Variants in DOLPP1 observed in about 807,000 individuals in gnomAD.
DOLPP1 encodes dolichyldiphosphatase 1.
In DOLPP1, 15 loss-of-function variants were observed where a neutral mutation model predicts 34.1. That is an observed-to-expected ratio of 0.44 (90% CI 0.29 to 0.68). The LOEUF (loss-of-function observed/expected upper bound fraction) is 0.68. Among genes scored for constraint, DOLPP1 ranks in the 30% least tolerant of loss-of-function variants. The probability of loss-of-function intolerance (pLI) is 0.12; values close to 1 mark genes in which losing one functional copy is unlikely to be tolerated. For missense variants in DOLPP1, 249 were observed against 307.1 expected, an observed-to-expected ratio of 0.81 and a Z score of 1.41; for synonymous variants, 130 against 128.2, an observed-to-expected ratio of 1.01 and a Z score of -0.10.
At position 129,090,371 on chromosome 9, in the gene DOLPP1, G is replaced by A. The variant is rs997450098; in HGVS notation, c.*1364G>A. 6.6e-6 allele frequency: 1 copy of A among 152,538 alleles called. No homozygotes were observed. Among genetic ancestry groups the A allele is most frequent in the South Asian group, 2.1e-4 (1 of 4,828 alleles). The allele number at this position is 152,538 out of a possible 1,614,324, so 9.4% of individuals were successfully genotyped here. A position where few individuals can be genotyped will look rare whatever the true frequency, so the allele number is the denominator to read the frequency against. On this transcript the variant is annotated 3_prime_UTR_variant, in exon 8 of 8. Transcript: ENST00000372546. ...GCCTGAGACAAGCCGAGTATGAGGT[G>A]GTTTGATTTAAGAAAAATCAATGAA...
At chr9:129,081,543 C>T (rs1333358811) in intron 1 of DOLPP1, among the ~76,000 whole-genome samples, 2 of 152,228 alleles carry the variant, frequency 1.3e-5, no homozygotes, top group African/African-American at 2.4e-5. Context: ...CCTTCTTCCC[C>T]GCCCTCCCCT....
intron 7 of DOLPP1, among the ~76,000 whole-genome samples, chr9:129,088,415 GTCAGCCCC>G (rs1288773703): frequency 2.0e-5 from 3 of 152,052 alleles, no homozygotes; most frequent in Non-Finnish European, 2.9e-5. Flanking sequence ...CTGAGTCTCT[GTCAGCCCC>G]TCTAGAAAAT....
At chr9:129,087,401 T>C (rs891979489) in intron 7 of DOLPP1, among the ~76,000 whole-genome samples, 138 of 151,078 alleles carry the variant, frequency 9.1e-4, no homozygotes, top group South Asian at 2.1e-4. Context: ...CTGCAACCTC[T>C]GCCTCCCTTG....
intron 7 of DOLPP1, among the ~76,000 whole-genome samples, chr9:129,087,593 G>A (rs1285167300): frequency 6.6e-6 from 1 of 152,164 alleles, no homozygotes; most frequent in Non-Finnish European, 1.5e-5. Context: ...TGGGATTACA[G>A]GTGTGAGCCA....
chr9:129,081,851 G>A (rs1342305159), intron 1 of DOLPP1, among the ~76,000 whole-genome samples: 2 of 152,212 alleles, frequency 1.3e-5, no homozygotes, highest in Non-Finnish European at 2.9e-5. Flanking sequence ...CGTTCTGGAG[G>A]CTGTCTAGTA....
chr9:129,084,631 T>C, intron 1 of DOLPP1, 37 bp from the exon 2 acceptor site: 1 of 1,419,768 alleles, frequency 7.0e-7, no homozygotes, highest in Non-Finnish European at 1.0e-6. Flanking sequence ...CTGATGCCTG[T>C]GCCCTGTCCT....
chr9:129,081,243 AG>A lies in DOLPP1; in HGVS notation c.76+39del, dbSNP rs754695498. On this transcript the variant is annotated intron_variant, in intron 1 of 7. Coordinates refer to ENST00000372546, the MANE Select transcript of DOLPP1 (RefSeq NM_020438.5). ...GTCCCGGCTCCAAGGACGCCTTCCC[AG>A]GGACGGCCTCTCAGTCCCGGGCGCT... 3.1e-6 allele frequency: 5 copies of A among 1,603,106 alleles called. No individual in the cohort carries two copies. The African/African-American group carries it at 6.7e-5, about 21-fold the overall frequency.
intron 7 of DOLPP1, 46 bp downstream of exon 7, chr9:129,086,844 C>T (rs1339517205): frequency 6.5e-7 from 1 of 1,550,078 alleles, no homozygotes; most frequent in African/African-American, 1.4e-5. Flanking sequence ...CCACAGGCAG[C>T]CTCTGCCTCC....
In DOLPP1 at chr9:129,085,709, C is replaced by G; in HGVS notation, c.461+93C>G. On this transcript the variant is annotated intron_variant, in intron 5 of 7. Transcript: ENST00000372546. The surrounding 1 kb of genome is among the most constrained non-coding windows in gnomAD (Gnocchi z 7.0). ...TCGGACCCCACCATGGACCCTAGTC[C>G]CAGAACCTGTAGTGCAGGACTGGAA... 2 of 1,013,758 alleles carry G rather than the reference C, an allele frequency of 2.0e-6. No individual in the cohort carries two copies. The highest frequency in any genetic ancestry group is 3.1e-5 in the South Asian group (2 of 63,854). 62.8% of individuals were successfully genotyped at this position (1,013,758 alleles called of 1,614,324 possible).
chr9:129,085,400 G>C lies in DOLPP1; in HGVS notation c.362+94G>C, dbSNP rs1177733078. ...TAGCCCTTTGGATGCCCCTGGGGTG[G>C]GAGGGGCTGCAGCGGAGGCAGAAGG... On this transcript the variant is annotated intron_variant, in intron 4 of 7. Transcript: ENST00000372546. The surrounding 1 kb of genome is among the most constrained non-coding windows in gnomAD (Gnocchi z 7.0). 1 of 1,503,500 alleles carries C rather than the reference G, an allele frequency of 6.7e-7. No homozygotes were observed. Among genetic ancestry groups the C allele is most frequent in the African/African-American group, 1.4e-5 (1 of 72,726 alleles). The allele number at this position is 1,503,500 out of a possible 1,614,324, so 93.1% of individuals were successfully genotyped here. A position where few individuals can be genotyped will look rare whatever the true frequency, so the allele number is the denominator to read the frequency against.
At position 129,086,629 on chromosome 9, in the gene DOLPP1, G is replaced by A. The variant is rs1379191911; in HGVS notation, c.591-80G>A. ...TCGGGGCGGGTGCCGTGCCAGCCCC[G>A]GGCAATGGTGGGGATGGCTGGCATG... On this transcript the variant is annotated intron_variant, in intron 6 of 7. Transcript: ENST00000372546. The A allele has an allele frequency of 4.9e-6, 7 of 1,434,624 alleles. No individual in the cohort carries two copies. In the East Asian group the frequency reaches 9.1e-5, roughly 19 times the overall value. The allele number at this position is 1,434,624 out of a possible 1,614,324, so 88.9% of individuals were successfully genotyped here. A position where few individuals can be genotyped will look rare whatever the true frequency, so the allele number is the denominator to read the frequency against.
At chr9:129,084,351 C>T (rs1175127554) in intron 1 of DOLPP1, among the ~76,000 whole-genome samples, 1 of 152,260 alleles carries the variant, frequency 6.6e-6, no homozygotes, top group Non-Finnish European at 1.5e-5. Flanking sequence ...GTCCCACCTC[C>T]TTCTGGCTGT....
At position 129,085,378 on chromosome 9, in the gene DOLPP1, C is replaced by G. The variant is rs1846969780; in HGVS notation, c.362+72C>G. 6.5e-7 allele frequency: 1 copy of G among 1,538,318 alleles called. No individual in the cohort carries two copies. Among genetic ancestry groups the G allele is most frequent in the Non-Finnish European group, 9.0e-7 (1 of 1,112,228 alleles). On this transcript the variant is annotated intron_variant, in intron 4 of 7. Coordinates refer to ENST00000372546, the MANE Select transcript of DOLPP1 (RefSeq NM_020438.5). This position sits in a 1 kb window ranked among gnomAD's most constrained non-coding sequence, Gnocchi z 7.0. ...AGTTCTGCTAGGGACTCACTGCTAGCCCTTTGGATGCCCCTGGGGTGGGAG... is the reference window on the plus strand; with the variant it reads ...AGTTCTGCTAGGGACTCACTGCTAGGCCTTTGGATGCCCCTGGGGTGGGAG...
At chr9:129,081,340 A>C (rs1846883727) in intron 1 of DOLPP1, 133 bp downstream of exon 1, 9 of 1,158,628 alleles carry the variant, frequency 7.8e-6, no homozygotes, top group Non-Finnish European at 1.0e-5. Flanking sequence ...TGAACCACGG[A>C]GGGGCTCGGC....
chr9:129,086,843 G>A (rs1231236629), intron 7 of DOLPP1, 45 bp downstream of exon 7: 2 of 1,565,632 alleles, frequency 1.3e-6, no homozygotes, highest in South Asian at 2.2e-5. Context: ...GCCACAGGCA[G>A]CCTCTGCCTC....
In DOLPP1 at chr9:129,082,058, G is replaced by T. The variant is rs555074493; in HGVS notation, c.76+851G>T. 3.3e-5 allele frequency among the ~76,000 whole-genome samples: 5 copies of T among 152,344 alleles called. No homozygotes were observed. In the South Asian group the frequency reaches 1.0e-3, roughly 32 times the overall value. On this transcript the variant is annotated intron_variant, in intron 1 of 7. Transcript: ENST00000372546. Reference sequence around the variant, plus strand: ...AAGGGCTGAGTACAGTGCCCGGCATGCAGTAAGCGTTCAGTAAATACCTGC... The same window carrying T: ...AAGGGCTGAGTACAGTGCCCGGCATTCAGTAAGCGTTCAGTAAATACCTGC...
chr9:129,086,905 G>A (rs1564149851), intron 7 of DOLPP1, 107 bp downstream of exon 7: 10 of 895,452 alleles, frequency 1.1e-5, no homozygotes, highest in Non-Finnish European at 1.8e-6. Context: ...CACTTCTCTT[G>A]CATTAACTCA....
Position 129,085,643 on chromosome 9 carries a change from G to C in DOLPP1, c.461+27G>C, listed in dbSNP as rs750292706. ...TATGGAGGAGGGAGAGCCCCTGCCT[G>C]CACCCTGCCCATGTGGGGTCCTGCT... On this transcript the variant is annotated intron_variant, in intron 5 of 7. Coordinates refer to ENST00000372546, the MANE Select transcript of DOLPP1 (RefSeq NM_020438.5). The surrounding 1 kb of genome is among the most constrained non-coding windows in gnomAD (Gnocchi z 7.0). The C allele has an allele frequency of 2.5e-6, 4 of 1,573,614 alleles. No individual in the cohort carries two copies. In the Admixed American group the frequency reaches 6.9e-5, roughly 27 times the overall value.
At position 129,084,727 on chromosome 9, in the gene DOLPP1, G is replaced by C; in HGVS notation, c.136G>C (p.Gly46Arg). Reference sequence around the variant, plus strand: ...CCTCAGCCCTGTATTTGTCATCGTCGGTTTCGTGACCCTCATCATATTTAA... The same window carrying C: ...CCTCAGCCCTGTATTTGTCATCGTCCGTTTCGTGACCCTCATCATATTTAA... The part of the protein sequence containing the change: ...LSLSPVFVIV[G>R]FVTLIIFKRE... The change falls in exon 2 of 8, where the codon GGT becomes CGT. Residue 46 changes from glycine (G) to arginine (R), a missense_variant. Gly to Arg is a moderately radical substitution (Grantham distance 125). Coordinates refer to ENST00000372546, the MANE Select transcript of DOLPP1 (RefSeq NM_020438.5). The C allele has an allele frequency of 6.2e-7, 1 of 1,613,966 alleles. No individual in the cohort carries two copies. Among genetic ancestry groups the C allele is most frequent in the South Asian group, 1.1e-5 (1 of 91,068 alleles).
Sources: gnomAD v4.1 joint callset for allele counts (sites outside exome capture counted in the v4.1 genomes callset) on GRCh38, gnomAD v4.1.1 for gene constraint, Gnocchi (gnomAD v3.1) non-coding constraint, MANE v1.5 for transcripts, NCBI Gene and HGNC (gene_info 2026-07-23, HGNC 2026-07-21) for gene names.